LUC7L3: variants seen among roughly 807,000 people sequenced by gnomAD.
The protein encoded by LUC7L3 is luc7-like protein 3.
Under a neutral mutation model 66.8 loss-of-function variants are expected in LUC7L3, and 6 were observed. The observed-to-expected ratio is 0.09, with a 90% confidence interval of 0.05 to 0.18. The LOEUF (loss-of-function observed/expected upper bound fraction) is 0.18. LUC7L3 is among the 10% of genes least tolerant of loss of function. The pLI, the probability that LUC7L3 is intolerant of heterozygous loss-of-function variation, is 1.00. For synonymous variants in LUC7L3, 160 were observed against 174.7 expected (o/e 0.92, Z 0.66); for missense variants, 341 against 531.1 (o/e 0.64, Z 3.52).
intron 1 of LUC7L3, among the ~76,000 whole-genome samples, chr17:50,727,875 A>T (rs528370969): frequency 6.6e-6 from 1 of 151,896 alleles, no homozygotes; most frequent in Admixed American, 6.6e-5. Context: ...GAAGGCAGAG[A>T]TGGTGGATCA....
chr17:50,749,479 T>TA, intron 9 of LUC7L3: 1 of 754,846 alleles, frequency 1.3e-6, no homozygotes, highest in Non-Finnish European at 1.8e-6. Context: ...CTCTTTTACA[T>TA]AAGATCTTCA....
At chr17:50,728,289 C>T (rs1969336973) in intron 1 of LUC7L3, among the ~76,000 whole-genome samples, 1 of 152,002 alleles carries the variant, frequency 6.6e-6, no homozygotes, top group Non-Finnish European at 1.5e-5. Context: ...GTGAATCATA[C>T]CTGCAAAGGT....
intron 9 of LUC7L3, among the ~76,000 whole-genome samples, chr17:50,749,044 A>G (rs1234967674): frequency 6.6e-6 from 1 of 152,222 alleles, no homozygotes; most frequent in Non-Finnish European, 1.5e-5. Context: ...GTGCTATGAT[A>G]GAAGCAGTTT....
intron 1 of LUC7L3, among the ~76,000 whole-genome samples, chr17:50,720,818 C>A (rs1189601888): frequency 2.6e-5 from 4 of 152,094 alleles, no homozygotes; most frequent in Non-Finnish European, 5.9e-5. Context: ...GGTAAAATTT[C>A]TTTTTTGCAG....
intron 2 of LUC7L3, among the ~76,000 whole-genome samples, chr17:50,738,906 G>A (rs1205499450): frequency 1.3e-5 from 2 of 152,160 alleles, no homozygotes; most frequent in Admixed American, 6.5e-5. Flanking sequence ...GGGGTGGTGG[G>A]GGTGGGTGTA....
chr17:50,745,907 G>A lies in LUC7L3; in HGVS notation c.881G>A (p.Arg294His), dbSNP rs971922173. The A allele has an allele frequency of 8.7e-6, 14 of 1,613,172 alleles. No individual in the cohort carries two copies. Among genetic ancestry groups the A allele is most frequent in the East Asian group, 6.7e-5 (3 of 44,886 alleles). ...ARDRERRKRSRSRSRHSSRTS... is the reference protein window; with the variant it reads ...ARDRERRKRSHSRSRHSSRTS... ...GACAGAGAAAGAAGAAAGAGAAGTCGTTCACGAAGTAGACACTCAAGCCGA... is the reference window on the plus strand; with the variant it reads ...GACAGAGAAAGAAGAAAGAGAAGTCATTCACGAAGTAGACACTCAAGCCGA... The change falls in exon 8 of 10, where the codon CGT becomes CAT. Residue 294 changes from arginine (R) to histidine (H), a missense_variant. Around this residue, in one of 6 missense-constraint regions of LUC7L3, gnomAD observed 210 missense variants for 238.1 expected, o/e 0.88. Coordinates refer to ENST00000505658, the MANE Select transcript of LUC7L3 (RefSeq NM_016424.5).
At chr17:50,746,129 G>A (rs1970651044) in intron 8 of LUC7L3, 126 bp downstream of exon 8, 9 of 1,356,070 alleles carry the variant, frequency 6.6e-6, no homozygotes, top group Non-Finnish European at 8.6e-6. Context: ...GATAGGATGG[G>A]TTGCGAGAGC....
At chr17:50,737,704 G>A (rs975969794) in intron 2 of LUC7L3, among the ~76,000 whole-genome samples, 1 of 152,046 alleles carries the variant, frequency 6.6e-6, no homozygotes, top group Admixed American at 6.6e-5. Flanking sequence ...GACATTGCCA[G>A]ATGTCCCCCA....
chr17:50,743,960 G>C, intron 6 of LUC7L3, 150 bp downstream of exon 6: 2 of 616,576 alleles, frequency 3.2e-6, no homozygotes, highest in Non-Finnish European at 5.7e-6. Flanking sequence ...ACTAAGCTCT[G>C]CCTTTGTGCA....
At chr17:50,748,923 G>A (rs1970845746) in intron 9 of LUC7L3, among the ~76,000 whole-genome samples, 1 of 152,088 alleles carries the variant, frequency 6.6e-6, no homozygotes, top group Non-Finnish European at 1.5e-5. Context: ...CTACCATGTA[G>A]CCATCTAGGC....
At chr17:50,739,437 A>AG (rs778111405) in intron 2 of LUC7L3, among the ~76,000 whole-genome samples, 4 of 152,190 alleles carry the variant, frequency 2.6e-5, no homozygotes, top group Non-Finnish European at 5.9e-5. Flanking sequence ...AGATCACTCG[A>AG]GGTGAGGAGT....
intron 4 of LUC7L3, 158 bp downstream of exon 4, chr17:50,741,404 C>T: frequency 1.3e-6 from 1 of 764,174 alleles, no homozygotes. Context: ...TCTTTATTAG[C>T]AAACATAACA....
chr17:50,723,512 A>G (rs1294256912), intron 1 of LUC7L3: 2 of 152,512 alleles, frequency 1.3e-5, no homozygotes, highest in African/African-American at 4.8e-5. Flanking sequence ...TTGAAAGCAA[A>G]AAACTAGTAA....
intron 5 of LUC7L3, among the ~76,000 whole-genome samples, 169 bp downstream of exon 5, chr17:50,741,900 C>T (rs1272560952): frequency 1.3e-5 from 2 of 151,706 alleles, no homozygotes; most frequent in African/African-American, 4.9e-5. Flanking sequence ...GTCTGGGCAA[C>T]AAAGTGAGAC....
chr17:50,745,944 A>T lies in LUC7L3; in HGVS notation c.918A>T (p.Arg306Ser), dbSNP rs897975741. 8 of 1,612,808 alleles carry T rather than the reference A, an allele frequency of 5.0e-6. No homozygotes were observed. In the African/African-American group the frequency reaches 1.1e-4, roughly 22 times the overall value. ...RSRHSSRTSD[R>S]RCSRSRDHKR... is the part of the protein sequence containing the mutation. Reference sequence around the variant, plus strand: ...GACACTCAAGCCGAACATCAGACAGAAGATGCAGCAGGTCTCGGGACCACA... The same window carrying T: ...GACACTCAAGCCGAACATCAGACAGTAGATGCAGCAGGTCTCGGGACCACA... The change falls in exon 8 of 10, where the codon AGA (arginine) becomes AGT (serine). Residue 306 changes from arginine (R) to serine (S), a missense_variant. This residue lies in a region of LUC7L3 where 210 missense variants were observed against 238.1 expected (regional missense o/e 0.88). Transcript: ENST00000505658.
chr17:50,720,304 AAG>A (rs1160179995), intron 1 of LUC7L3, among the ~76,000 whole-genome samples: 1 of 152,250 alleles, frequency 6.6e-6, no homozygotes, highest in East Asian at 1.9e-4. Context: ...AGAAATGTAA[AAG>A]AAGTCGTTTA....
intron 5 of LUC7L3, among the ~76,000 whole-genome samples, chr17:50,743,217 AAAAC>A (rs1970459929): frequency 6.6e-6 from 1 of 151,906 alleles, no homozygotes; most frequent in Non-Finnish European, 1.5e-5. Context: ...TTTAAAAAAA[AAAAC>A]AGAGTCTCAC....
chr17:50,727,008 G>T (rs929355782), intron 1 of LUC7L3, among the ~76,000 whole-genome samples: 1 of 152,022 alleles, frequency 6.6e-6, no homozygotes, highest in Admixed American at 6.6e-5. Context: ...AGAATTTCTT[G>T]AACCCGGGAG....
intron 1 of LUC7L3, among the ~76,000 whole-genome samples, chr17:50,730,981 G>C (rs1040880608): frequency 6.6e-6 from 1 of 152,108 alleles, no homozygotes; most frequent in African/African-American, 2.4e-5. Flanking sequence ...TTGAACACTT[G>C]TCACTAGTGT....
Sources: allele counts gnomAD v4.1 joint callset (sites outside exome capture counted in the v4.1 genomes callset), GRCh38; gene constraint gnomAD v4.1.1; regional missense constraint gnomAD v4.1.1; transcripts MANE v1.5; gene names NCBI Gene and HGNC (gene_info 2026-07-23, HGNC 2026-07-21).